Variants in CHAT observed in about 807,000 individuals in gnomAD.
CHAT encodes the protein choline O-acetyltransferase.
CHAT carries 61 observed loss-of-function variants against 76.9 expected under a neutral mutation model. That is an observed-to-expected ratio of 0.79 (90% CI 0.65 to 0.98). The LOEUF (loss-of-function observed/expected upper bound fraction) is 0.98, where lower values mean the gene tolerates loss of function less well. CHAT is among the 50% of genes least tolerant of loss of function. The pLI is 0.00. For missense variants in CHAT, 946 were observed against 986.9 expected, an observed-to-expected ratio of 0.96 and a Z score of 0.56; for synonymous variants, 407 against 397.4, an observed-to-expected ratio of 1.02 and a Z score of -0.29.
upstream of CHAT, chr10:49,610,503 C>T: frequency 2.3e-6 from 1 of 437,836 alleles, no homozygotes; most frequent in Non-Finnish European, 3.9e-6. Flanking sequence ...CCCGGCCGCC[C>T]CTGAGCCCAG....
intron 7 of CHAT, 104 bp downstream of exon 7, chr10:49,627,889 G>C: frequency 3.7e-6 from 5 of 1,355,166 alleles, no homozygotes; most frequent in Non-Finnish European, 5.1e-6. Context: ...ATCAGCCATA[G>C]TGTGGGAGCT....
At chr10:49,651,805 T>G (rs1024098995) in intron 10 of CHAT, 79 bp from the exon 11 acceptor site, 5 of 1,471,998 alleles carry the variant, frequency 3.4e-6, no homozygotes, top group Middle Eastern at 1.7e-4. Context: ...CAGACCAGGC[T>G]CTAGAAGCCC....
intron 14 of CHAT, among the ~76,000 whole-genome samples, chr10:49,663,229 C>CA (rs915953498): frequency 6.6e-6 from 1 of 151,066 alleles, no homozygotes; most frequent in Non-Finnish European, 1.5e-5. Context: ...GACCCTGTCT[C>CA]AAAAAAAGAA....
Position 49,646,658 on chromosome 10 carries a change from ACG to A in CHAT, c.1266_1267del (p.Tyr422Ter). The A allele has an allele frequency of 6.2e-7, 1 of 1,613,814 alleles. No individual in the cohort carries two copies. Among genetic ancestry groups the A allele is most frequent in the South Asian group, 1.1e-5 (1 of 91,058 alleles). On this transcript the variant is annotated stop_gained and frameshift_variant, in exon 8 of 15. Coordinates refer to ENST00000337653, the MANE Select transcript of CHAT (RefSeq NM_020549.5). LOFTEE classifies it high-confidence loss of function. ...AGCAAGAACGGGGCCAATCGCTGGT[ACG>A]ACAAGTCCCTGCAGGTAAGCCGTCC...
At chr10:49,609,810 G>A (rs1838241083), upstream of CHAT, among the ~76,000 whole-genome samples, 1 of 152,180 alleles carries the variant, frequency 6.6e-6, no homozygotes, top group African/African-American at 2.4e-5. Flanking sequence ...CTCCGGACGC[G>A]GCTCCACAAT....
intron 7 of CHAT, among the ~76,000 whole-genome samples, chr10:49,628,772 A>G (rs1255894279): frequency 1.3e-5 from 2 of 152,260 alleles, no homozygotes; most frequent in South Asian, 2.1e-4. Flanking sequence ...GAAAGGCTGG[A>G]GGGAAGGATG....
At position 49,655,291 on chromosome 10, in the gene CHAT, C is replaced by A. The variant is rs1048891006; in HGVS notation, c.1776+55C>A. 2.5e-6 allele frequency: 4 copies of A among 1,613,636 alleles called. No homozygotes were observed. The African/African-American group carries it at 5.3e-5, about 22-fold the overall frequency. ...GAAACCAGTGAGGCTGCTGTGGTTG[C>A]CCTGGGTTGCAGTGGGCTCGGCCCT... is the stretch of plus-strand genomic sequence containing the variant. On this transcript the variant is annotated intron_variant, in intron 12 of 14. Transcript: ENST00000337653.
rs1840333342 is a variant in CHAT at position 49,666,020 on chromosome 10, C to T, written c.*974C>T. ...TTTAAGACAGAGATTTTTAAGAAAACCACCCTGACATTAATTTCAGAAATT... is the reference window on the plus strand; with the variant it reads ...TTTAAGACAGAGATTTTTAAGAAAATCACCCTGACATTAATTTCAGAAATT... On this transcript the variant is annotated 3_prime_UTR_variant, in exon 15 of 15. Coordinates refer to ENST00000337653, the MANE Select transcript of CHAT (RefSeq NM_020549.5). 1.3e-5 allele frequency among the ~76,000 whole-genome samples: 2 copies of T among 152,194 alleles called. No individual in the cohort carries two copies.
chr10:49,610,841 T>C, upstream of CHAT: 3 of 1,611,224 alleles, frequency 1.9e-6, no homozygotes, highest in Non-Finnish European at 2.5e-6. Flanking sequence ...CAGAGGCGCC[T>C]GGTGCTTGTT....
At chr10:49,629,691 T>G (rs576941185) in intron 7 of CHAT, among the ~76,000 whole-genome samples, 1 of 152,348 alleles carries the variant, frequency 6.6e-6, no homozygotes, top group African/African-American at 2.4e-5. Flanking sequence ...TGAATGGAAG[T>G]GCTGTTTCTG....
chr10:49,622,038 G>GAAA, intron 4 of CHAT, 59 bp from the exon 5 acceptor site: 1 of 1,570,782 alleles, frequency 6.4e-7, no homozygotes, highest in Non-Finnish European at 8.7e-7. Flanking sequence ...AGAAGGGAGG[G>GAAA]AGGGAGGGAG....
At chr10:49,624,078 A>G (rs1167648376) in intron 5 of CHAT, among the ~76,000 whole-genome samples, 1 of 152,074 alleles carries the variant, frequency 6.6e-6, no homozygotes, top group Non-Finnish European at 1.5e-5. Context: ...GCTCCTCTCC[A>G]CTGCCACTGG....
chr10:49,619,650 T>A, intron 2 of CHAT, 75 bp from the exon 3 acceptor site: 1 of 1,426,770 alleles, frequency 7.0e-7, no homozygotes, highest in Admixed American at 1.8e-5. Context: ...ACAATACAGA[T>A]ACTAGGGACC....
At chr10:49,621,987 A>AGGAAGGAGATGGAAGGAAGAG in intron 4 of CHAT, 110 bp from the exon 5 acceptor site, 1 of 1,227,574 alleles carries the variant, frequency 8.1e-7, no homozygotes, top group Non-Finnish European at 1.2e-6. Context: ...GGGAGGGAAG[A>AGGAAGGAGATGGAAGGAAGAG]GGAAGGAGAT....
chr10:49,658,245 G>A (rs2132840651), intron 13 of CHAT, among the ~76,000 whole-genome samples: 1 of 152,304 alleles, frequency 6.6e-6, no homozygotes, highest in Admixed American at 6.5e-5. Context: ...GCCAGGTGTG[G>A]TGGCTCACAC....
chr10:49,611,217 G>C, upstream of CHAT: 2 of 1,614,018 alleles, frequency 1.2e-6, no homozygotes, highest in Non-Finnish European at 1.7e-6. Context: ...TGATCGGCCT[G>C]GGCGTCATGT....
intron 6 of CHAT, 66 bp downstream of exon 6, chr10:49,625,719 T>G (rs1838897366): frequency 1.4e-6 from 2 of 1,478,684 alleles, no homozygotes; most frequent in African/African-American, 2.8e-5. Flanking sequence ...TTCACGTCCA[T>G]TACCTTCTCC....
intron 7 of CHAT, among the ~76,000 whole-genome samples, chr10:49,642,510 C>A (rs1839517682): frequency 6.6e-6 from 1 of 152,244 alleles, no homozygotes; most frequent in East Asian, 1.9e-4. Context: ...ATCTGCCTCC[C>A]CTGCCTGGAG....
At chr10:49,653,186 G>A (rs1421830883) in intron 11 of CHAT, among the ~76,000 whole-genome samples, 1 of 152,006 alleles carries the variant, frequency 6.6e-6, no homozygotes, top group Non-Finnish European at 1.5e-5. Flanking sequence ...AGCCAGAAGT[G>A]GTCCGGCCAG....
Sources: allele counts gnomAD v4.1 joint callset (sites outside exome capture counted in the v4.1 genomes callset), GRCh38; gene constraint gnomAD v4.1.1; transcripts MANE v1.5; gene names NCBI Gene and HGNC (gene_info 2026-07-23, HGNC 2026-07-21).